The following TRIM66 variants were observed in gnomAD, a reference collection of about 807,000 sequenced individuals.
TRIM66 encodes the protein tripartite motif-containing protein 66.
TRIM66 carries 99 observed loss-of-function variants against 148.2 expected under a neutral mutation model. That is an observed-to-expected ratio of 0.67 (90% confidence interval 0.57 to 0.79). The LOEUF (loss-of-function observed/expected upper bound fraction) is 0.79. Among genes scored for constraint, TRIM66 ranks in the 30% least tolerant of loss-of-function variants. The pLI is 0.00. For synonymous variants in TRIM66, 616 were observed against 635.9 expected (o/e 0.97, Z 0.47); for missense variants, 1,666 against 1,697.9 (o/e 0.98, Z 0.33).
chr11:8,630,806 T>G (rs1024399210), intron 15 of TRIM66, among the ~76,000 whole-genome samples: 14 of 152,328 alleles, frequency 9.2e-5, no homozygotes, highest in Middle Eastern at 3.4e-3. Flanking sequence ...TCAGTTAACC[T>G]ATTTAACCTA....
chr11:8,679,130 C>T (rs1329511131), intron 3 of TRIM66: 1 of 152,202 alleles, frequency 6.6e-6, no homozygotes, highest in Non-Finnish European at 1.5e-5. Context: ...GGACAGGTCC[C>T]CTAATGCCAA....
At chr11:8,636,995 A>G (rs2035936804) in intron 15 of TRIM66, among the ~76,000 whole-genome samples, 1 of 152,098 alleles carries the variant, frequency 6.6e-6, no homozygotes. Context: ...GAAGCTCCCT[A>G]GTTGCCATTC....
At position 8,621,791 on chromosome 11, in the gene TRIM66, A is replaced by G. The variant is rs907243689; in HGVS notation, c.3109T>C (p.Tyr1037His). ...ATCTTGAGTCGCTCCAGTCGCACAT[A>G]GGGAATCTTATGCTCACTATTGAAG... ...RAFNSEHKIPYVRLERLKICA... is the reference protein window; with the variant it reads ...RAFNSEHKIPHVRLERLKICA... Residue 1037 changes from tyrosine (Y) to histidine (H), a missense_variant, in exon 19 of 25, where the codon TAT (tyrosine) becomes CAT (histidine). Tyr to His is a moderately conservative substitution (Grantham distance 83). Around this residue, in one of 3 missense-constraint regions of TRIM66, gnomAD observed 1,431 missense variants for 1,412.4 expected, o/e 1.01. Coordinates refer to ENST00000646038, the MANE Select transcript of TRIM66 (RefSeq NM_001388022.1). 3 of 1,549,960 alleles carry G rather than the reference A, an allele frequency of 1.9e-6. No homozygotes were observed. In the African/African-American group the frequency reaches 4.1e-5, roughly 21 times the overall value.
intron 6 of TRIM66, among the ~76,000 whole-genome samples, chr11:8,669,512 C>T (rs994328247): frequency 2.6e-5 from 4 of 151,968 alleles, no homozygotes; most frequent in African/African-American, 9.7e-5. Context: ...GGTGTGGTGG[C>T]ACATGCTGTA....
intron 15 of TRIM66, among the ~76,000 whole-genome samples, chr11:8,637,483 C>G (rs1194867971): frequency 6.6e-6 from 1 of 152,200 alleles, no homozygotes; most frequent in Non-Finnish European, 1.5e-5. Flanking sequence ...TCATTTTCAA[C>G]AGGGTAGGAC....
At chr11:8,641,548 G>T (rs1001160050) in intron 13 of TRIM66, among the ~76,000 whole-genome samples, 1 of 152,188 alleles carries the variant, frequency 6.6e-6, no homozygotes, top group Non-Finnish European at 1.5e-5. Context: ...AAAGGGTAGA[G>T]AGCCATGCCT....
intron 4 of TRIM66, among the ~76,000 whole-genome samples, chr11:8,672,793 G>A (rs551329163): frequency 7.2e-5 from 11 of 151,804 alleles, no homozygotes; most frequent in South Asian, 4.2e-4. Context: ...CACCACATGC[G>A]GCTAATTTTT....
At chr11:8,649,700 T>G in intron 8 of TRIM66, 40 bp downstream of exon 8, 1 of 1,541,148 alleles carries the variant, frequency 6.5e-7, no homozygotes, top group Non-Finnish European at 8.7e-7. Flanking sequence ...CAGCCCTGCT[T>G]TAGGGCATGG....
chr11:8,638,581 C>T, intron 15 of TRIM66, 73 bp downstream of exon 15: 1 of 1,498,838 alleles, frequency 6.7e-7, no homozygotes, highest in Non-Finnish European at 9.0e-7. Context: ...ACCCTATCCT[C>T]CTCCTCCAAG....
intron 6 of TRIM66, among the ~76,000 whole-genome samples, chr11:8,666,421 G>C (rs1275472315): frequency 1.3e-5 from 2 of 150,496 alleles, no homozygotes; most frequent in African/African-American, 4.9e-5. Flanking sequence ...TGACTCTCTG[G>C]TTCCAAATTA....
chr11:8,644,339 G>C (rs893379992), intron 12 of TRIM66: 2 of 427,248 alleles, frequency 4.7e-6, no homozygotes, highest in African/African-American at 2.1e-5. Context: ...TTCTTTTCTT[G>C]TCATCTTTCT....
At chr11:8,651,171 G>C (rs1355814918) in intron 7 of TRIM66, among the ~76,000 whole-genome samples, 1 of 152,160 alleles carries the variant, frequency 6.6e-6, no homozygotes, top group African/African-American at 2.4e-5. Context: ...CTTGAATGTA[G>C]AGTATATGGG....
intron 15 of TRIM66, among the ~76,000 whole-genome samples, chr11:8,637,321 C>CAT (rs56293232): frequency 1.5e-4 from 23 of 150,056 alleles, no homozygotes; most frequent in African/African-American, 5.6e-4. Flanking sequence ...TCATTTAATG[C>CAT]ATATATATAT....
rs1289890321 is a variant in TRIM66, at chr11:8,651,732, G to A, written c.444+68C>T. 5 of 1,209,588 alleles carry A rather than the reference G, an allele frequency of 4.1e-6. No individual in the cohort carries two copies. In the East Asian group the frequency reaches 1.3e-4, roughly 31 times the overall value. The allele number at this position is 1,209,588 out of a possible 1,614,324, so 74.9% of individuals were successfully genotyped here. On this transcript the variant is annotated intron_variant, in intron 7 of 24. Coordinates refer to ENST00000646038, the MANE Select transcript of TRIM66 (RefSeq NM_001388022.1). ...ATGATAGAGTGATGGATGGATAGAAGACTTATGGACAGGGGCCTCACAGAT... is the reference window on the plus strand; with the variant it reads ...ATGATAGAGTGATGGATGGATAGAAAACTTATGGACAGGGGCCTCACAGAT...
chr11:8,672,249 T>C lies in TRIM66; in HGVS notation c.26A>G (p.Gln9Arg), dbSNP rs1446711093. Residue 9 changes from glutamine to arginine, a missense_variant and splice_region_variant, in exon 5 of 25, where the codon CAG becomes CGG. Gln to Arg is a conservative substitution (Grantham distance 43, BLOSUM62 1). Coordinates refer to ENST00000646038, the MANE Select transcript of TRIM66 (RefSeq NM_001388022.1). ...CATGCCTCAGCCTCAGTTCCTCACC[T>C]GGGACCAAAAAGAGAGTCTAGCCAT... is the stretch of plus-strand genomic sequence containing the variant. MARLSFWS[Q>R]GVELARSTRC... 1 of 1,536,002 alleles carries C rather than the reference T, an allele frequency of 6.5e-7. No homozygotes were observed. The highest frequency in any genetic ancestry group is 1.2e-5 in the South Asian group (1 of 84,066).
At position 8,645,891 on chromosome 11, in the gene TRIM66, G is replaced by C; in HGVS notation, c.958-4C>G. Reference sequence around the variant, plus strand: ...GCTTTCTCTCATTAGTAATCCCCTGGGTACAGAGAGAAGACAGAGTCCTTG... The same window carrying C: ...GCTTTCTCTCATTAGTAATCCCCTGCGTACAGAGAGAAGACAGAGTCCTTG... On this transcript the variant is annotated splice_polypyrimidine_tract_variant and splice_region_variant and intron_variant, in intron 11 of 24. Transcript: ENST00000646038. 1.9e-6 allele frequency: 3 copies of C among 1,551,370 alleles called. No homozygotes were observed. Among genetic ancestry groups the C allele is most frequent in the Non-Finnish European group, 2.6e-6 (3 of 1,146,848 alleles).
chr11:8,629,713 G>A (rs1045232555), intron 15 of TRIM66, among the ~76,000 whole-genome samples: 10 of 152,156 alleles, frequency 6.6e-5, no homozygotes, highest in Admixed American at 5.2e-4. Context: ...ACCTGGTCCC[G>A]TAATGCCCAG....
At chr11:8,632,384 G>A (rs1166088923) in intron 15 of TRIM66, among the ~76,000 whole-genome samples, 1 of 150,906 alleles carries the variant, frequency 6.6e-6, no homozygotes, top group Non-Finnish European at 1.5e-5. Context: ...AACAGTAGCA[G>A]ATCTTGAAAC....
chr11:8,649,200 G>A (rs7939673), intron 8 of TRIM66, among the ~76,000 whole-genome samples: 97,433 of 151,980 alleles, frequency 0.64, 31,980 homozygotes, highest in Non-Finnish European at 0.71. Flanking sequence ...TTAGCTGGGC[G>A]CGGTGGCGCA....
Sources: allele counts gnomAD v4.1 joint callset (sites outside exome capture counted in the v4.1 genomes callset), GRCh38; gene constraint gnomAD v4.1.1; regional missense constraint gnomAD v4.1.1; transcripts MANE v1.5; gene names NCBI Gene and HGNC (gene_info 2026-07-23, HGNC 2026-07-21).